RASGRF1: variants seen among roughly 807,000 people sequenced by gnomAD.
RASGRF1 encodes ras-specific guanine nucleotide-releasing factor 1.
In RASGRF1, 40 loss-of-function variants were observed where a neutral mutation model predicts 138.7. The ratio of observed to expected loss-of-function variants is 0.29; its 90% CI spans 0.22 to 0.38. The LOEUF is 0.38. Ranked by LOEUF, RASGRF1 falls within the 10% of genes least tolerant of loss-of-function variation. RASGRF1 has a pLI of 1.00. For missense variants in RASGRF1, 1,108 were observed against 1,650.4 expected (o/e 0.67, Z 5.69); for synonymous variants, 614 against 663.2 (o/e 0.93, Z 1.14).
chr15:79,046,438 C>A lies in RASGRF1; in HGVS notation c.878+308G>T, dbSNP rs564819798. Among the ~76,000 whole-genome samples, 1 of 152,220 alleles carries A rather than the reference C, an allele frequency of 6.6e-6. No homozygotes were observed. The highest frequency in any genetic ancestry group is 2.4e-5 in the African/African-American group (1 of 41,456). On this transcript the variant is annotated intron_variant, in intron 5 of 26. Transcript: ENST00000558480. The surrounding 1 kb of genome is among the most constrained non-coding windows in gnomAD (Gnocchi z 5.3). ...TCTACCCATTAGATGCCAACAGCAA[C>A]CTCCCTCAAGTGGTGACAATCAACA...
chr15:78,970,547 C>T (rs1022466622), intron 26 of RASGRF1, among the ~76,000 whole-genome samples: 11 of 142,562 alleles, frequency 7.7e-5, no homozygotes, highest in Admixed American at 2.2e-4. Flanking sequence ...TGATTGAACC[C>T]GGGAGGTGGA....
chr15:79,030,882 T>G (rs2057126405), intron 8 of RASGRF1, among the ~76,000 whole-genome samples: 2 of 152,340 alleles, frequency 1.3e-5, no homozygotes, highest in African/African-American at 4.8e-5. Context: ...CAGAGGAAGC[T>G]TCCCTCTGGG....
chr15:79,030,316 C>A (rs577804692), intron 8 of RASGRF1, among the ~76,000 whole-genome samples: 1 of 152,248 alleles, frequency 6.6e-6, no homozygotes, highest in East Asian at 1.9e-4. Flanking sequence ...TCTTTGTAGC[C>A]CTTGGCAGCC....
intron 2 of RASGRF1, among the ~76,000 whole-genome samples, chr15:79,062,630 G>A (rs957708812): frequency 6.6e-6 from 1 of 152,108 alleles, no homozygotes; most frequent in African/African-American, 2.4e-5. Flanking sequence ...CGCCTCCCTG[G>A]TTCAAGCAAT....
At chr15:79,057,734 C>G (rs868734484) in intron 3 of RASGRF1, among the ~76,000 whole-genome samples, 76 of 152,316 alleles carry the variant, frequency 5.0e-4, no homozygotes, top group African/African-American at 1.8e-3. Flanking sequence ...AGATTCTGCT[C>G]CAGGTGAAAC....
At position 79,090,696 on chromosome 15, in the gene RASGRF1, T is replaced by C; in HGVS notation, c.-198A>G. 1.4e-6 allele frequency: 1 copy of C among 703,828 alleles called. No individual in the cohort carries two copies. Among genetic ancestry groups the C allele is most frequent in the Non-Finnish European group, 2.3e-6 (1 of 438,824 alleles). 43.6% of individuals were successfully genotyped at this position (703,828 alleles called of 1,614,324 possible). A position where few individuals can be genotyped will look rare whatever the true frequency, so the allele number is the denominator to read the frequency against. ...TGAATCCAGATATACCATTCCCCGC[T>C]GGAACCTCTTCTCCGCTCCGCAGAG... On this transcript the variant is annotated 5_prime_UTR_variant, in exon 1 of 27. Transcript: ENST00000558480.
chr15:79,068,224 G>A (rs1225816269), intron 1 of RASGRF1, among the ~76,000 whole-genome samples: 1 of 152,132 alleles, frequency 6.6e-6, no homozygotes, highest in Non-Finnish European at 1.5e-5. Context: ...CAGTGGCTTG[G>A]CTCTTAGCCC....
chr15:78,995,728 G>C lies in RASGRF1; in HGVS notation c.3027+12C>G, dbSNP rs1281956205. The C allele has an allele frequency of 6.2e-7, 1 of 1,614,138 alleles. No individual in the cohort carries two copies. The highest frequency in any genetic ancestry group is 1.1e-5 in the South Asian group (1 of 91,080). ...GAAAGCCTTGGAAAGCAAGAGGGCA[G>C]GCCCAGCTCACCATCTGCGTGATCT... On this transcript the variant is annotated intron_variant, in intron 20 of 26. Coordinates refer to ENST00000558480, the MANE Select transcript of RASGRF1 (RefSeq NM_001145648.3).
chr15:79,049,437 T>C (rs1037886052), intron 4 of RASGRF1, 59 bp downstream of exon 4: 52 of 1,523,762 alleles, frequency 3.4e-5, no homozygotes, highest in Non-Finnish European at 4.3e-5. Context: ...CTGCCAACCC[T>C]GGGCTGGCTC....
intron 13 of RASGRF1, among the ~76,000 whole-genome samples, chr15:79,008,849 G>A (rs534801858): frequency 6.6e-6 from 1 of 152,166 alleles, no homozygotes; most frequent in African/African-American, 2.4e-5. Flanking sequence ...ACTCCGTGAC[G>A]ATGTGCAGCG....
At chr15:78,993,173 ATGTGGTGTG>A in intron 20 of RASGRF1, among the ~76,000 whole-genome samples, 1 of 66,900 alleles carries the variant, frequency 1.5e-5, no homozygotes. Flanking sequence ...TGATGTGTGT[ATGTGGTGTG>A]TGTGGTGTGG....
At chr15:79,062,037 C>T (rs766161653) in intron 2 of RASGRF1, among the ~76,000 whole-genome samples, 2 of 152,198 alleles carry the variant, frequency 1.3e-5, no homozygotes, top group African/African-American at 2.4e-5. Flanking sequence ...AGATGAGTTA[C>T]GTTTGTTCCA....
chr15:78,989,445 C>A (rs1315762906), intron 22 of RASGRF1, among the ~76,000 whole-genome samples: 1 of 152,146 alleles, frequency 6.6e-6, no homozygotes, highest in Non-Finnish European at 1.5e-5. Context: ...AGCACTGTGG[C>A]CTCCTAACAT....
chr15:78,987,762 A>T (rs908518021), intron 22 of RASGRF1, among the ~76,000 whole-genome samples: 1 of 152,122 alleles, frequency 6.6e-6, no homozygotes, highest in Non-Finnish European at 1.5e-5. Flanking sequence ...GAGACACATG[A>T]TCACCATGTC....
rs62011238 is a variant in RASGRF1 at position 79,032,616 on chromosome 15, G to A, written c.959-300C>T. Among the ~76,000 whole-genome samples, 1 of 152,176 alleles carries A rather than the reference G, an allele frequency of 6.6e-6. No homozygotes were observed. The highest frequency in any genetic ancestry group is 1.5e-5 in the Non-Finnish European group (1 of 68,008). On this transcript the variant is annotated intron_variant, in intron 6 of 26. Transcript: ENST00000558480. This position sits in a 1 kb window ranked among gnomAD's most constrained non-coding sequence, Gnocchi z 4.5. ...GAGGAGGTAGAGTGGGCGCTGTGGG[G>A]TGCCACCTGGATCCCCCCAGCTGCC... is the stretch of plus-strand genomic sequence containing the variant.
intron 23 of RASGRF1, among the ~76,000 whole-genome samples, chr15:78,982,021 G>A (rs117942635): frequency 0.014 from 2,058 of 152,236 alleles, 27 homozygotes; most frequent in Middle Eastern, 0.024. Context: ...CAGAGGCGGG[G>A]GCTGAGTCAG....
At chr15:79,033,216 T>C (rs1360611956) in intron 6 of RASGRF1, among the ~76,000 whole-genome samples, 1 of 152,192 alleles carries the variant, frequency 6.6e-6, no homozygotes, top group African/African-American at 2.4e-5. Context: ...TAGGCTGGGA[T>C]GGGGTCATGT....
chr15:79,040,651 T>TAGAG (rs112675333), intron 5 of RASGRF1, among the ~76,000 whole-genome samples: 78,217 of 150,874 alleles, frequency 0.52, 20,350 homozygotes, highest in East Asian at 0.73. Flanking sequence ...GAGCGAGAGC[T>TAGAG]AGAGAGAGAG....
chr15:78,993,057 T>C (rs891046159), intron 20 of RASGRF1, among the ~76,000 whole-genome samples: 8 of 143,986 alleles, frequency 5.6e-5, no homozygotes, highest in Non-Finnish European at 1.2e-4. Flanking sequence ...ATGTGGGTGG[T>C]GTGTGGGTGG....
Sources: gnomAD v4.1 joint callset for allele counts (sites outside exome capture counted in the v4.1 genomes callset) on GRCh38, gnomAD v4.1.1 for gene constraint, Gnocchi (gnomAD v3.1) non-coding constraint, MANE v1.5 for transcripts, NCBI Gene and HGNC (gene_info 2026-07-23, HGNC 2026-07-21) for gene names.